HYCC1: variants seen among roughly 807,000 people sequenced by gnomAD.
HYCC1 encodes hyccin.
the HYCC1 span, among the ~76,000 whole-genome samples, chr7:22,903,341 GA>G: frequency 1.4e-5 from 2 of 147,656 alleles, no homozygotes; most frequent in South Asian, 2.3e-4. Context: ...TTCTTGTAAT[GA>G]AAAAAAAAGA....
At chr7:22,908,849 A>G in the HYCC1 span, among the ~76,000 whole-genome samples, 1,003 of 152,274 alleles carry the variant, frequency 6.6e-3, 6 homozygotes, top group African/African-American at 0.021. Context: ...GTTTGGTACT[A>G]TGCAGTATCA....
At chr7:22,945,288 G>T in the HYCC1 span, 1 of 436,106 alleles carries the variant, frequency 2.3e-6, no homozygotes, top group Non-Finnish European at 4.2e-6. Flanking sequence ...TAACCAACTT[G>T]ATTAGACAAC....
chr7:22,928,272 G>C, the HYCC1 span, among the ~76,000 whole-genome samples: 2 of 152,172 alleles, frequency 1.3e-5, no homozygotes, highest in Non-Finnish European at 2.9e-5. Context: ...TTGAAAACTG[G>C]CACAAGACAG....
the HYCC1 span, among the ~76,000 whole-genome samples, chr7:23,006,738 A>G: frequency 6.6e-6 from 1 of 152,250 alleles, no homozygotes; most frequent in African/African-American, 2.4e-5. Flanking sequence ...ACTGAATTCT[A>G]TGTATTTATA....
the HYCC1 span, among the ~76,000 whole-genome samples, chr7:22,902,464 G>C: frequency 2.7e-4 from 41 of 151,612 alleles, no homozygotes; most frequent in African/African-American, 9.7e-4. Context: ...AAAACCAAAA[G>C]CTAGTTCTTT....
the HYCC1 span, among the ~76,000 whole-genome samples, chr7:22,928,940 A>G: frequency 2.0e-5 from 3 of 152,190 alleles, no homozygotes; most frequent in South Asian, 6.2e-4. Flanking sequence ...ACTTCAAACT[A>G]CACTACAAGG....
the HYCC1 span, among the ~76,000 whole-genome samples, chr7:22,899,383 C>G: frequency 2.6e-5 from 4 of 152,246 alleles, no homozygotes; most frequent in East Asian, 7.7e-4. Flanking sequence ...AAGAAATTTC[C>G]TCCACTACCT....
At chr7:22,917,514 C>T in the HYCC1 span, among the ~76,000 whole-genome samples, 1 of 152,330 alleles carries the variant, frequency 6.6e-6, no homozygotes, top group South Asian at 2.1e-4. Context: ...ACTTTACTCA[C>T]ATGCCCCGAG....
the HYCC1 span, chr7:22,946,909 A>G: frequency 1.3e-6 from 2 of 1,499,844 alleles, no homozygotes; most frequent in African/African-American, 2.8e-5. Context: ...TGACTGTGCA[A>G]CTGCTGCTTA....
chr7:22,914,348 T>C, the HYCC1 span, among the ~76,000 whole-genome samples: 38,417 of 152,072 alleles, frequency 0.25, 5,019 homozygotes, highest in East Asian at 0.48. Flanking sequence ...CCCTCTCTTT[T>C]CTCTGGGCTT....
At chr7:22,916,706 T>C in the HYCC1 span, among the ~76,000 whole-genome samples, 2 of 152,216 alleles carry the variant, frequency 1.3e-5, no homozygotes, top group East Asian at 1.9e-4. Context: ...ACTTGGTTTA[T>C]TGATGGCAGT....
At chr7:22,927,954 G>A in the HYCC1 span, among the ~76,000 whole-genome samples, 66 of 152,180 alleles carry the variant, frequency 4.3e-4, no homozygotes, top group East Asian at 5.0e-3. Context: ...CTGGCAAACC[G>A]AATCCAGCAA....
At chr7:22,898,217 T>A in the HYCC1 span, among the ~76,000 whole-genome samples, 1 of 151,526 alleles carries the variant, frequency 6.6e-6, no homozygotes, top group African/African-American at 2.4e-5. Context: ...TTGCTTTTAT[T>A]TATTTATTTT....
chr7:23,010,275 C>G, the HYCC1 span, among the ~76,000 whole-genome samples: 2 of 152,174 alleles, frequency 1.3e-5, no homozygotes, highest in Admixed American at 1.3e-4. Flanking sequence ...ACTTCTATCT[C>G]CTCAGGGTCT....
the HYCC1 span, among the ~76,000 whole-genome samples, chr7:22,902,870 T>C: frequency 6.6e-6 from 1 of 152,072 alleles, no homozygotes; most frequent in Non-Finnish European, 1.5e-5. Context: ...GTTTCTTAGA[T>C]AGGAACACTA....
At chr7:22,968,599 T>C in the HYCC1 span, among the ~76,000 whole-genome samples, 7 of 152,202 alleles carry the variant, frequency 4.6e-5, no homozygotes, top group East Asian at 1.9e-4. Context: ...TATGGCCCTA[T>C]AGGGGTATGT....
At chr7:22,946,048 G>T in the HYCC1 span, 2 of 1,613,538 alleles carry the variant, frequency 1.2e-6, no homozygotes, top group Non-Finnish European at 1.7e-6. Flanking sequence ...TACTACAATT[G>T]TGACTACTGT....
chr7:22,996,488 G>C, the HYCC1 span, among the ~76,000 whole-genome samples: 5 of 149,722 alleles, frequency 3.3e-5, no homozygotes, highest in African/African-American at 4.9e-5. Context: ...GTGAGGTTTG[G>C]AGTACTATTG....
chr7:22,959,421 C>T, the HYCC1 span, among the ~76,000 whole-genome samples: 2 of 152,074 alleles, frequency 1.3e-5, no homozygotes, highest in African/African-American at 4.8e-5. Flanking sequence ...CCTCAGTTTA[C>T]AGGAAGAAGA....
Sources: gnomAD v4.1 joint callset for allele counts (sites outside exome capture counted in the v4.1 genomes callset) on GRCh38, gnomAD v4.1.1 for gene constraint, MANE v1.5 for transcripts, NCBI Gene and HGNC (gene_info 2026-07-23, HGNC 2026-07-21) for gene names.